Variants in UPF3A observed in about 807,000 individuals in gnomAD.
UPF3A encodes the protein regulator of nonsense transcripts 3A.
In UPF3A, 42 loss-of-function variants were observed where a neutral mutation model predicts 53.5. The ratio of observed to expected loss-of-function variants is 0.78; its 90% confidence interval spans 0.61 to 1.01. UPF3A has a LOEUF of 1.01. Among genes scored for constraint, UPF3A ranks in the 50% least tolerant of loss-of-function variants. The probability of loss-of-function intolerance (pLI) is 0.00; values close to 1 mark genes in which losing one functional copy is unlikely to be tolerated. For missense variants in UPF3A, 575 were observed against 598.0 expected (o/e 0.96, Z 0.40); for synonymous variants, 237 against 225.3 (o/e 1.05, Z -0.47).
At chr13:114,286,152 ATC>A (rs2084666171) in intron 3 of UPF3A, 148 bp from the exon 4 acceptor site, 3 of 1,022,332 alleles carry the variant, frequency 2.9e-6, no homozygotes, top group African/African-American at 3.2e-5. Context: ...CTTTTTTTTA[ATC>A]TCTTACTGGA....
chr13:114,295,449 A>G (rs1211215548), intron 7 of UPF3A, among the ~76,000 whole-genome samples: 1 of 73,610 alleles, frequency 1.4e-5, no homozygotes, highest in African/African-American at 5.5e-5. Context: ...CTGGTTTCTC[A>G]TGAATGCACC....
intron 8 of UPF3A, 144 bp from the exon 9 acceptor site, chr13:114,301,587 T>A (rs1034163359): frequency 4.5e-6 from 3 of 664,334 alleles, no homozygotes; most frequent in Non-Finnish European, 5.2e-6. Context: ...GCCTGCTGTG[T>A]GCCCATCGCA....
At chr13:114,302,922 C>T (rs1171511795) in intron 9 of UPF3A, among the ~76,000 whole-genome samples, 7 of 151,620 alleles carry the variant, frequency 4.6e-5, no homozygotes, top group Non-Finnish European at 5.9e-5. Context: ...GCCAACATGG[C>T]GAAACCCTGT....
At position 114,299,245 on chromosome 13, in the gene UPF3A, A is replaced by G. The variant is rs1284071265; in HGVS notation, c.1007+245A>G. Among the ~76,000 whole-genome samples, 5 of 151,862 alleles carry G rather than the reference A, an allele frequency of 3.3e-5. No individual in the cohort carries two copies. In the East Asian group the frequency reaches 7.7e-4, roughly 23 times the overall value. ...TGTTGTTTGCTTTGCTTTTGCCTCC[A>G]TGTCCTCCTTTTACTCCTGAGCCGC... On this transcript the variant is annotated intron_variant, in intron 8 of 9. Transcript: ENST00000375299.
chr13:114,289,007 AC>A (rs2085013446), intron 5 of UPF3A, among the ~76,000 whole-genome samples: 1 of 151,932 alleles, frequency 6.6e-6, no homozygotes, highest in African/African-American at 2.4e-5. Context: ...TTTGAGACAT[AC>A]CTTTTTGGGG....
chr13:114,294,580 G>T (rs530121647), intron 7 of UPF3A, among the ~76,000 whole-genome samples: 7 of 152,282 alleles, frequency 4.6e-5, no homozygotes, highest in Non-Finnish European at 7.4e-5. Context: ...GAGAAATATG[G>T]TTTGGGAGGC....
At chr13:114,294,272 G>A (rs2085600943) in intron 7 of UPF3A, among the ~76,000 whole-genome samples, 1 of 118,946 alleles carries the variant, frequency 8.4e-6, no homozygotes, top group South Asian at 2.6e-4. Flanking sequence ...TTTGGTTTTG[G>A]TGGGGGGGGG....
At chr13:114,291,056 C>G (rs1399086200) in intron 5 of UPF3A, among the ~76,000 whole-genome samples, 3 of 152,042 alleles carry the variant, frequency 2.0e-5, no homozygotes, top group African/African-American at 7.2e-5. Context: ...ATTTTCTAAA[C>G]TACAATCCAG....
chr13:114,291,584 C>G, intron 6 of UPF3A, 40 bp downstream of exon 6: 1 of 1,604,198 alleles, frequency 6.2e-7, no homozygotes, highest in Non-Finnish European at 8.5e-7. Context: ...CTCCCTGCTT[C>G]TGCCATTCTC....
intron 9 of UPF3A, among the ~76,000 whole-genome samples, chr13:114,303,334 T>TG (rs2139377634): frequency 6.6e-6 from 1 of 152,148 alleles, no homozygotes; most frequent in South Asian, 2.1e-4. Flanking sequence ...CGACCTGAGG[T>TG]GGGGGAGCAT....
At position 114,286,616 on chromosome 13, in the gene UPF3A, A is replaced by C. The variant is rs2084716381; in HGVS notation, c.618A>C (p.Thr206=). 1.9e-6 allele frequency: 3 copies of C among 1,612,948 alleles called. No individual in the cohort carries two copies. The change falls in exon 5 of 10, where the codon ACA becomes ACC. Residue 206 remains threonine (T), a synonymous_variant. Transcript: ENST00000375299. ...TGCTGGGGGAGATGGAGGCGAAGAC[A>C]AGAGAGCTCATTGGTCTGTTTTGCT... ...ETLLGEMEAK[T]RELIARRTTP... is the part of the protein sequence containing the mutation.
chr13:114,283,016 G>T (rs2084279691), intron 3 of UPF3A, 73 bp downstream of exon 3: 5 of 1,175,376 alleles, frequency 4.3e-6, no homozygotes, highest in Non-Finnish European at 6.1e-6. Context: ...GAATATTCGT[G>T]CTTTTTAAAT....
intron 8 of UPF3A, among the ~76,000 whole-genome samples, chr13:114,300,457 C>T (rs546762721): frequency 5.3e-5 from 8 of 152,242 alleles, no homozygotes; most frequent in East Asian, 1.9e-4. Flanking sequence ...CTGCAACCTC[C>T]GCCTCCCAGG....
chr13:114,289,319 A>T (rs570776796), intron 5 of UPF3A, among the ~76,000 whole-genome samples: 1 of 152,152 alleles, frequency 6.6e-6, no homozygotes, highest in African/African-American at 2.4e-5. Context: ...AGGTCAAGAG[A>T]TTGAGACCTT....
intron 5 of UPF3A, among the ~76,000 whole-genome samples, chr13:114,288,662 GTGGA>G (rs2084975716): frequency 6.7e-6 from 1 of 148,896 alleles, no homozygotes; most frequent in African/African-American, 2.4e-5. Context: ...GGGATAGACT[GTGGA>G]TGCCAAGAGA....
intron 2 of UPF3A, chr13:114,282,398 G>T: frequency 8.2e-7 from 1 of 1,219,392 alleles, no homozygotes; most frequent in African/African-American, 1.6e-5. Context: ...GACCAGCGTT[G>T]CCCGCCCGGC....
intron 7 of UPF3A, among the ~76,000 whole-genome samples, chr13:114,295,464 G>T (rs1248921947): frequency 6.9e-6 from 1 of 144,096 alleles, no homozygotes; most frequent in Non-Finnish European, 1.5e-5. Context: ...TGCACCAGCG[G>T]ATTCCACCTC....
chr13:114,284,477 A>G (rs899447333), intron 3 of UPF3A, among the ~76,000 whole-genome samples: 2 of 151,210 alleles, frequency 1.3e-5, no homozygotes, highest in Admixed American at 6.6e-5. Context: ...AATGTAGATC[A>G]GTTGAGGTCA....
Position 114,286,549 on chromosome 13 carries a change from A to G in UPF3A, c.551A>G (p.Tyr184Cys). 2 of 1,613,746 alleles carry G rather than the reference A, an allele frequency of 1.2e-6. No homozygotes were observed. Among genetic ancestry groups the G allele is most frequent in the South Asian group, 1.1e-5 (1 of 90,980 alleles). Residue 184 changes from tyrosine to cysteine, a missense_variant, in exon 5 of 10, where the codon TAC (tyrosine) becomes TGC (cysteine). Physicochemically the swap from Tyr to Cys is radical, Grantham distance 194 (BLOSUM62 -2). Coordinates refer to ENST00000375299, the MANE Select transcript of UPF3A (RefSeq NM_023011.4). The part of the protein sequence containing the change: ...DPEYKKFLET[Y>C]CVEEEKTSAN... ...GAATATAAGAAGTTTTTAGAAACCT[A>G]CTGTGTGGAGGAAGAGAAGACCAGT...
Sources: allele counts gnomAD v4.1 joint callset (sites outside exome capture counted in the v4.1 genomes callset), GRCh38; gene constraint gnomAD v4.1.1; transcripts MANE v1.5; gene names NCBI Gene and HGNC (gene_info 2026-07-23, HGNC 2026-07-21).